The following NRIP1 variants were observed in gnomAD, a reference collection of about 807,000 sequenced individuals.
The protein encoded by NRIP1 is nuclear receptor-interacting protein 1.
In NRIP1, 28 loss-of-function variants were observed where a neutral mutation model predicts 75.0. The ratio of observed to expected loss-of-function variants is 0.37; its 90% CI spans 0.28 to 0.51. The LOEUF (loss-of-function observed/expected upper bound fraction) is 0.51. Among genes scored for constraint, NRIP1 ranks in the 20% least tolerant of loss-of-function variants. The probability of loss-of-function intolerance (pLI) is 0.92; values close to 1 mark genes in which losing one functional copy is unlikely to be tolerated. For missense variants in NRIP1, 1,435 were observed against 1,343.7 expected (o/e 1.07, Z -1.06); for synonymous variants, 526 against 487.6 (o/e 1.08, Z -1.04).
intron 2 of NRIP1, among the ~76,000 whole-genome samples, chr21:15,021,476 T>C (rs949502522): frequency 6.6e-6 from 1 of 152,184 alleles, no homozygotes; most frequent in Non-Finnish European, 1.5e-5. Context: ...AACGCCGGAC[T>C]GTGGTGATGG....
Position 14,966,901 on chromosome 21 carries a change from T to C in NRIP1, c.1292A>G (p.Asp431Gly). 8 of 1,614,158 alleles carry C rather than the reference T, an allele frequency of 5.0e-6. No individual in the cohort carries two copies. The highest frequency in any genetic ancestry group is 6.8e-6 in the Non-Finnish European group (8 of 1,180,008). The change falls in exon 4 of 4, where the codon GAT becomes GGT. Residue 431 changes from aspartate (D) to glycine (G), a missense_variant. By Grantham distance (94) the Asp-to-Gly change is moderately conservative. Coordinates refer to ENST00000318948, the MANE Select transcript of NRIP1 (RefSeq NM_003489.4). ...AACACAGTTGGAATAAGAACTTTCA[T>C]CACCACTGCTGTCATCTGTAAAACT... The part of the protein sequence containing the change: ...NPSFTDDSSG[D>G]ESSYSNCVPI...
intron 2 of NRIP1, among the ~76,000 whole-genome samples, chr21:15,036,662 C>T (rs2088839883): frequency 6.6e-6 from 1 of 151,906 alleles, no homozygotes; most frequent in African/African-American, 2.4e-5. Flanking sequence ...GCACGAGAAC[C>T]ATGCCCTAAT....
chr21:14,975,928 A>G (rs574239775), intron 3 of NRIP1, among the ~76,000 whole-genome samples: 13 of 152,222 alleles, frequency 8.5e-5, no homozygotes, highest in Non-Finnish European at 1.9e-4. Context: ...CAATGGACAT[A>G]TATAGTAACA....
chr21:15,025,997 G>A (rs897254690), intron 2 of NRIP1, among the ~76,000 whole-genome samples: 2 of 152,124 alleles, frequency 1.3e-5, no homozygotes, highest in African/African-American at 2.4e-5. Context: ...GAGCTCTGAC[G>A]ATTAGATAGT....
intron 2 of NRIP1, among the ~76,000 whole-genome samples, chr21:15,024,151 G>A (rs1055469103): frequency 1.5e-4 from 23 of 152,146 alleles, no homozygotes; most frequent in Admixed American, 5.9e-4. Context: ...TATGCAAAGC[G>A]TTAAGATTAA....
intron 3 of NRIP1, among the ~76,000 whole-genome samples, chr21:15,007,837 A>G (rs1022130081): frequency 2.0e-4 from 30 of 152,216 alleles, no homozygotes; most frequent in African/African-American, 7.2e-4. Context: ...AAACTACCCA[A>G]CATTCTATCA....
chr21:15,012,572 C>G (rs1423291659), intron 3 of NRIP1, among the ~76,000 whole-genome samples: 1 of 149,734 alleles, frequency 6.7e-6, no homozygotes, highest in African/African-American at 2.5e-5. Flanking sequence ...CCTGCCTCAG[C>G]CTCCCAAATA....
intron 3 of NRIP1, among the ~76,000 whole-genome samples, chr21:15,006,051 T>G (rs1415232677): frequency 3.3e-5 from 5 of 152,206 alleles, no homozygotes; most frequent in Admixed American, 3.3e-4. Context: ...TGGTTTTAGT[T>G]GGTTAAGTCA....
At chr21:15,018,274 C>A (rs914497827) in intron 2 of NRIP1, among the ~76,000 whole-genome samples, 1 of 151,972 alleles carries the variant, frequency 6.6e-6, no homozygotes, top group East Asian at 1.9e-4. Context: ...GAACAAATTG[C>A]TAAACAAATT....
chr21:15,063,018 CT>C (rs528933546), intron 1 of NRIP1, among the ~76,000 whole-genome samples: 20 of 149,316 alleles, frequency 1.3e-4, no homozygotes, highest in African/African-American at 2.2e-4. Context: ...ACGAACAGTC[CT>C]TTTTTTTTTC....
Position 14,963,408 on chromosome 21 carries a change from G to A in NRIP1, c.*1308C>T, listed in dbSNP as rs1039889267. The A allele has an allele frequency of 6.6e-6, 1 of 152,476 alleles. No homozygotes were observed. Among genetic ancestry groups the A allele is most frequent in the Non-Finnish European group, 1.5e-5 (1 of 67,964 alleles). The allele number at this position is 152,476 out of a possible 1,614,324, so 9.4% of individuals were successfully genotyped here. On this transcript the variant is annotated 3_prime_UTR_variant, in exon 4 of 4. Coordinates refer to ENST00000318948, the MANE Select transcript of NRIP1 (RefSeq NM_003489.4). ...AAATAATCACAGATTTTCCTGAGAT[G>A]TTGAGCCAGATATGAAAGTTATCCC...
chr21:15,050,635 G>A (rs897938241), intron 1 of NRIP1: 4 of 420,724 alleles, frequency 9.5e-6, no homozygotes, highest in Admixed American at 7.8e-5. Flanking sequence ...TCAAACTCAC[G>A]TGACCACAGT....
intron 3 of NRIP1, chr21:14,971,416 G>A (rs1041184147): frequency 2.0e-5 from 3 of 152,110 alleles, no homozygotes; most frequent in Admixed American, 6.5e-5. Flanking sequence ...CGAGGAGAAG[G>A]TCATTCTAAA....
At chr21:15,009,191 C>T (rs532672193) in intron 3 of NRIP1, among the ~76,000 whole-genome samples, 1 of 151,842 alleles carries the variant, frequency 6.6e-6, no homozygotes, top group African/African-American at 2.4e-5. Context: ...AAGACCAAGA[C>T]GAGGAAAGAA....
At chr21:15,013,848 T>C (rs914920324) in intron 3 of NRIP1, among the ~76,000 whole-genome samples, 2 of 149,726 alleles carry the variant, frequency 1.3e-5, no homozygotes, top group Non-Finnish European at 2.9e-5. Context: ...GCCTATACTA[T>C]AATAAACACA....
At chr21:15,021,681 A>G (rs2088379469) in intron 2 of NRIP1, among the ~76,000 whole-genome samples, 1 of 151,622 alleles carries the variant, frequency 6.6e-6, no homozygotes, top group South Asian at 2.1e-4. Context: ...CAGAGTTTAC[A>G]AAGAGTTTAA....
chr21:15,021,595 A>G (rs1008000097), intron 2 of NRIP1, among the ~76,000 whole-genome samples: 3 of 152,248 alleles, frequency 2.0e-5, no homozygotes, highest in Admixed American at 2.0e-4. Flanking sequence ...AAAAACAAAA[A>G]TAAAAATGAT....
chr21:15,004,982 T>C (rs1448421596), intron 3 of NRIP1, among the ~76,000 whole-genome samples: 1 of 152,218 alleles, frequency 6.6e-6, no homozygotes, highest in African/African-American at 2.4e-5. Context: ...ATAATGTTTC[T>C]AGGAGATAGA....
chr21:14,977,504 G>A (rs1305567683), intron 3 of NRIP1, among the ~76,000 whole-genome samples: 1 of 152,054 alleles, frequency 6.6e-6, no homozygotes, highest in African/African-American at 2.4e-5. Context: ...AAAAAGAAAG[G>A]AAAAGTAACA....
Sources: gnomAD v4.1 joint callset for allele counts (sites outside exome capture counted in the v4.1 genomes callset) on GRCh38, gnomAD v4.1.1 for gene constraint, MANE v1.5 for transcripts, NCBI Gene and HGNC (gene_info 2026-07-23, HGNC 2026-07-21) for gene names.